The following PHACTR2 variants were observed in gnomAD, a reference collection of about 807,000 sequenced individuals.
The protein encoded by PHACTR2 is phosphatase and actin regulator 2.
A neutral mutation model predicts 76.0 loss-of-function variants in PHACTR2; 30 were observed. That is an observed-to-expected ratio of 0.39 (90% CI 0.30 to 0.54). The LOEUF is 0.54. Among genes scored for constraint, PHACTR2 ranks in the 20% least tolerant of loss-of-function variants. PHACTR2 has a pLI of 0.61. For synonymous variants in PHACTR2, 292 were observed against 292.5 expected, an observed-to-expected ratio of 1.00 and a Z score of 0.02; for missense variants, 696 against 781.1, an observed-to-expected ratio of 0.89 and a Z score of 1.30.
At chr6:143,768,596 A>T (rs1275461398) in intron 6 of PHACTR2, among the ~76,000 whole-genome samples, 1 of 152,212 alleles carries the variant, frequency 6.6e-6, no homozygotes. Flanking sequence ...TTCCACAAAT[A>T]TTTAAGGAGT....
rs1775957339 is a variant in PHACTR2 at position 143,610,399 on chromosome 6, A to T, written c.13+2077A>T. The stretch of plus-strand genomic sequence containing the variant: ...CCTAAATTTTTCTAATCAGAAATGA[A>T]TTGAGGCCCTGGATTTCAGAGCTAG... On this transcript the variant is annotated intron_variant, in intron 1 of 11. Coordinates refer to the PHACTR2 transcript ENST00000305766. The surrounding 1 kb of genome is among the most constrained non-coding windows in gnomAD (Gnocchi z 4.9). 6.6e-6 allele frequency among the ~76,000 whole-genome samples: 1 copy of T among 152,204 alleles called. No homozygotes were observed. The highest frequency in any genetic ancestry group is 2.4e-5 in the African/African-American group (1 of 41,456).
chr6:143,669,849 C>T (rs1777115303), intron 1 of PHACTR2, among the ~76,000 whole-genome samples: 1 of 152,126 alleles, frequency 6.6e-6, no homozygotes, highest in Non-Finnish European at 1.5e-5. Context: ...AGTCTGTTTA[C>T]ATTTAAGGTT....
Position 143,670,386 on chromosome 6 carries a change from C to T in PHACTR2, c.14-41630C>T, listed in dbSNP as rs544305970. Among the ~76,000 whole-genome samples the T allele has an allele frequency of 6.6e-5, 10 of 152,120 alleles. No individual in the cohort carries two copies. In the South Asian group the frequency reaches 1.5e-3, roughly 22 times the overall value. ...TGTATTTCCCGAATTTGAATGTTGG[C>T]GTGTCTTGTTAGGTTGGGAGAGTTC... On this transcript the variant is annotated intron_variant, in intron 1 of 11. Coordinates refer to the PHACTR2 transcript ENST00000305766.
rs1266295607 is a variant in PHACTR2, at chr6:143,780,091, G to A, written c.1645+2708G>A. 1.3e-5 allele frequency among the ~76,000 whole-genome samples: 2 copies of A among 151,942 alleles called. No homozygotes were observed. The highest frequency in any genetic ancestry group is 4.8e-5 in the African/African-American group (2 of 41,368). ...TAATTCTAGCCATGTCTTCTATAGA[G>A]AAAAATGAATTAGGCCATTGAGTTC... On this transcript the variant is annotated intron_variant, in intron 9 of 12. Transcript: ENST00000440869. This position sits in a 1 kb window ranked among gnomAD's most constrained non-coding sequence, Gnocchi z 4.4.
In PHACTR2 at chr6:143,696,286, C is replaced by A. The variant is rs1777768176; in HGVS notation, c.47-15730C>A. Among the ~76,000 whole-genome samples, 1 of 152,194 alleles carries A rather than the reference C, an allele frequency of 6.6e-6. No individual in the cohort carries two copies. Among genetic ancestry groups the A allele is most frequent in the African/African-American group, 2.4e-5 (1 of 41,444 alleles). ...TGAGACCAACGGAGAATGCAGGTAA[C>A]TGTTTTGGGTGGGTATACAGGAGTT... On this transcript the variant is annotated intron_variant, in intron 1 of 12. Transcript: ENST00000440869. This position sits in a 1 kb window ranked among gnomAD's most constrained non-coding sequence, Gnocchi z 4.1.
chr6:143,645,989 C>A (rs1278192698), intron 1 of PHACTR2, among the ~76,000 whole-genome samples: 1 of 151,830 alleles, frequency 6.6e-6, no homozygotes, highest in Non-Finnish European at 1.5e-5. Context: ...AAATATATAA[C>A]AATAGTCTAT....
chr6:143,685,102 A>G (rs1777484457), intron 1 of PHACTR2, among the ~76,000 whole-genome samples: 1 of 152,052 alleles, frequency 6.6e-6, no homozygotes, highest in Non-Finnish European at 1.5e-5. Context: ...GAAACCTTTA[A>G]ATTTTTAAGT....
chr6:143,631,874 G>C (rs751133546), intron 1 of PHACTR2, among the ~76,000 whole-genome samples: 2 of 152,112 alleles, frequency 1.3e-5, no homozygotes, highest in African/African-American at 4.8e-5. Flanking sequence ...GTCTTTATTT[G>C]GCAGTCCCTT....
chr6:143,679,754 C>T lies in PHACTR2; in HGVS notation c.46+1545C>T, dbSNP rs1777342381. On this transcript the variant is annotated intron_variant, in intron 1 of 12. Transcript: ENST00000440869. The surrounding 1 kb of genome is among the most constrained non-coding windows in gnomAD (Gnocchi z 4.6). ...TAAAATCCTAAAGTGAGACTCCCTA[C>T]GTCTTAGTACAGCAAAAAAACCCGG... 6.9e-6 allele frequency among the ~76,000 whole-genome samples: 1 copy of T among 145,644 alleles called. No homozygotes were observed. Among genetic ancestry groups the T allele is most frequent in the Non-Finnish European group, 1.5e-5 (1 of 65,234 alleles).
rs912831349 is a variant in PHACTR2 at position 143,591,685 on chromosome 6, G to C, written c.217+54478G>C. Among the ~76,000 whole-genome samples the C allele has an allele frequency of 2.6e-5, 4 of 152,220 alleles. No homozygotes were observed. In the East Asian group the frequency reaches 7.7e-4, roughly 29 times the overall value. ...ATCTCAGAGAATTCCAGTGGCGATA[G>C]ATGACGATCCCAATGCTGCACTGAC... On this transcript the variant is annotated intron_variant, in intron 1 of 11. Transcript: ENST00000367584. The surrounding 1 kb of genome is among the most constrained non-coding windows in gnomAD (Gnocchi z 6.4).
At chr6:143,538,850 G>T (rs2128426084) in intron 1 of PHACTR2, among the ~76,000 whole-genome samples, 1 of 152,346 alleles carries the variant, frequency 6.6e-6, no homozygotes, top group Admixed American at 6.5e-5. Flanking sequence ...TAGAATAGAG[G>T]TAGTGGGATT....
At chr6:143,736,357 T>G (rs1213142803) in intron 2 of PHACTR2, among the ~76,000 whole-genome samples, 1 of 152,094 alleles carries the variant, frequency 6.6e-6, no homozygotes, top group Non-Finnish European at 1.5e-5. Context: ...TAGCCAGTAT[T>G]TAATCCTCAG....
At chr6:143,726,728 G>C (rs558606041) in intron 2 of PHACTR2, among the ~76,000 whole-genome samples, 1 of 152,244 alleles carries the variant, frequency 6.6e-6, no homozygotes, top group Admixed American at 6.5e-5. Flanking sequence ...GCTGTAATTA[G>C]TTTTATGTTA....
rs1393745476 is a variant in PHACTR2, at chr6:143,663,647, ATATTTTATGC to A, written c.14-48366_14-48357del. On this transcript the variant is annotated intron_variant, in intron 1 of 11. Coordinates refer to the PHACTR2 transcript ENST00000305766. The surrounding 1 kb of genome is among the most constrained non-coding windows in gnomAD (Gnocchi z 4.1). ...TGCTTTCATTGTTGTTTAGTTCTAA[ATATTTTATGC>A]TACAATTGGATTTTCTTGTGTTACT... is the stretch of plus-strand genomic sequence containing the variant. 6.6e-6 allele frequency among the ~76,000 whole-genome samples: 1 copy of A among 152,262 alleles called. No homozygotes were observed. Among genetic ancestry groups the A allele is most frequent in the African/African-American group, 2.4e-5 (1 of 41,572 alleles).
At chr6:143,799,235 C>T (rs1017517671) in intron 11 of PHACTR2, among the ~76,000 whole-genome samples, 3 of 152,044 alleles carry the variant, frequency 2.0e-5, no homozygotes, top group African/African-American at 7.2e-5. Flanking sequence ...GGTGATATCC[C>T]CTTTATCATT....
Position 143,579,300 on chromosome 6 carries a change from A to G in PHACTR2, c.217+42093A>G, listed in dbSNP as rs532318276. ...GGAGGAGGGAAAGTGTGGGGGAAATAAAATACTATTTTTATTGTCAAAAAA... is the reference window on the plus strand; with the variant it reads ...GGAGGAGGGAAAGTGTGGGGGAAATGAAATACTATTTTTATTGTCAAAAAA... On this transcript the variant is annotated intron_variant, in intron 1 of 11. Transcript: ENST00000367584. 1.1e-4 allele frequency among the ~76,000 whole-genome samples: 17 copies of G among 152,286 alleles called. No individual in the cohort carries two copies. In the East Asian group the frequency reaches 2.9e-3, roughly 26 times the overall value.
Position 143,772,203 on chromosome 6 carries a change from C to A in PHACTR2, c.1233-55C>A, listed in dbSNP as rs1334971223. On this transcript the variant is annotated intron_variant, in intron 6 of 12. Transcript: ENST00000440869. This position sits in a 1 kb window ranked among gnomAD's most constrained non-coding sequence, Gnocchi z 5.4. ...GAGCTCTTTTTCTTAGTGTCAGTGC[C>A]GCCAAGGGTTGCTCTGAGCTTCACA... 2 of 1,294,934 alleles carry A rather than the reference C, an allele frequency of 1.5e-6. No individual in the cohort carries two copies. The highest frequency in any genetic ancestry group is 2.2e-6 in the Non-Finnish European group (2 of 891,060). The allele number at this position is 1,294,934 out of a possible 1,614,324, so 80.2% of individuals were successfully genotyped here.
rs1308043906 is a variant in PHACTR2 at position 143,700,387 on chromosome 6, T to C, written c.47-11629T>C. Among the ~76,000 whole-genome samples, 2 of 152,108 alleles carry C rather than the reference T, an allele frequency of 1.3e-5. No individual in the cohort carries two copies. Among genetic ancestry groups the C allele is most frequent in the East Asian group, 3.9e-4 (2 of 5,172 alleles). On this transcript the variant is annotated intron_variant, in intron 1 of 12. Coordinates refer to ENST00000440869, the MANE Select transcript of PHACTR2 (RefSeq NM_001100164.2). The surrounding 1 kb of genome is among the most constrained non-coding windows in gnomAD (Gnocchi z 4.1). The stretch of plus-strand genomic sequence containing the variant: ...CTGGCCAACATGGTGAAACCGCGTC[T>C]CTACTAAAAATACAGAAATTAGCAA...
chr6:143,799,017 G>A (rs1775893662), intron 11 of PHACTR2, among the ~76,000 whole-genome samples: 3 of 152,090 alleles, frequency 2.0e-5, no homozygotes. Context: ...GTCTGGTCCT[G>A]GACTCTTTTT....
Sources: allele counts gnomAD v4.1 joint callset (sites outside exome capture counted in the v4.1 genomes callset), GRCh38; gene constraint gnomAD v4.1.1; non-coding constraint Gnocchi (gnomAD v3.1); transcripts MANE v1.5; gene names NCBI Gene and HGNC (gene_info 2026-07-23, HGNC 2026-07-21).